Variants in STT3B observed in about 807,000 individuals in gnomAD.
STT3B encodes the protein STT3 oligosaccharyltransferase complex catalytic subunit B.
Under a neutral mutation model 96.8 loss-of-function variants are expected in STT3B, and 29 were observed. The ratio of observed to expected loss-of-function variants is 0.30; its 90% CI spans 0.22 to 0.41. The LOEUF is 0.41. Among genes scored for constraint, STT3B ranks in the 10% least tolerant of loss-of-function variants. STT3B has a pLI of 1.00. For missense variants in STT3B, 640 were observed against 1,022.3 expected (o/e 0.63, Z 5.10); for synonymous variants, 367 against 360.0 (o/e 1.02, Z -0.22).
intron 5 of STT3B, among the ~76,000 whole-genome samples, chr3:31,612,075 C>A (rs1235637641): frequency 6.6e-6 from 1 of 152,116 alleles, no homozygotes; most frequent in Non-Finnish European, 1.5e-5. Context: ...ACTTTCTGAG[C>A]ACCAATATGA....
chr3:31,582,582 C>T (rs954152543), intron 3 of STT3B, among the ~76,000 whole-genome samples: 2 of 151,940 alleles, frequency 1.3e-5, no homozygotes, highest in Non-Finnish European at 2.9e-5. Context: ...CATGAGCCAC[C>T]GCGCCCAGCC....
intron 1 of STT3B, among the ~76,000 whole-genome samples, chr3:31,559,310 G>GT (rs1697805038): frequency 1.4e-5 from 2 of 143,908 alleles, no homozygotes; most frequent in African/African-American, 5.2e-5. Context: ...TGGAGTCTTT[G>GT]TATTTTTTTT....
At chr3:31,549,931 A>T (rs937332461) in intron 1 of STT3B, among the ~76,000 whole-genome samples, 5 of 152,158 alleles carry the variant, frequency 3.3e-5, no homozygotes, top group African/African-American at 1.2e-4. Flanking sequence ...GTCACCGGAT[A>T]GTTTTAATTG....
chr3:31,563,284 G>A (rs1463847883), intron 1 of STT3B, among the ~76,000 whole-genome samples: 1 of 152,176 alleles, frequency 6.6e-6, no homozygotes, highest in African/African-American at 2.4e-5. Flanking sequence ...ATCTAAACTA[G>A]TAGAGCAAAT....
At chr3:31,598,319 G>A (rs546489360) in intron 4 of STT3B, among the ~76,000 whole-genome samples, 3 of 152,154 alleles carry the variant, frequency 2.0e-5, no homozygotes, top group Non-Finnish European at 4.4e-5. Flanking sequence ...TCGTATTGGA[G>A]TTGACTAGAT....
intron 3 of STT3B, among the ~76,000 whole-genome samples, chr3:31,582,538 C>A (rs1202941162): frequency 6.6e-6 from 1 of 151,988 alleles, no homozygotes; most frequent in Non-Finnish European, 1.5e-5. Flanking sequence ...CGTGATCCAC[C>A]CACCTCGGCC....
chr3:31,548,148 C>G (rs1697461015), intron 1 of STT3B, among the ~76,000 whole-genome samples: 1 of 152,128 alleles, frequency 6.6e-6, no homozygotes, highest in Non-Finnish European at 1.5e-5. Flanking sequence ...GCCCCGAATT[C>G]TTCCATTTTA....
At chr3:31,592,734 C>T (rs1698693705) in intron 3 of STT3B, among the ~76,000 whole-genome samples, 1 of 152,126 alleles carries the variant, frequency 6.6e-6, no homozygotes. Context: ...AAGGCCTACA[C>T]CTTCTCCAGG....
chr3:31,581,447 A>T (rs1698381414), intron 3 of STT3B, among the ~76,000 whole-genome samples: 1 of 152,200 alleles, frequency 6.6e-6, no homozygotes, highest in Non-Finnish European at 1.5e-5. Context: ...TATTTTGTGG[A>T]CATTTATGCA....
chr3:31,533,358 C>T (rs754587784), intron 1 of STT3B, 46 bp downstream of exon 1: 2 of 1,422,388 alleles, frequency 1.4e-6, no homozygotes, highest in African/African-American at 1.5e-5. Flanking sequence ...CGCGGGGAAC[C>T]GGGACCCGCT....
At chr3:31,555,731 C>T (rs1056062182) in intron 1 of STT3B, among the ~76,000 whole-genome samples, 17 of 152,076 alleles carry the variant, frequency 1.1e-4, no homozygotes, top group Admixed American at 6.5e-5. Flanking sequence ...TTAAAGGTCT[C>T]AGAATCTTAA....
chr3:31,564,635 G>T (rs1478970280), intron 1 of STT3B, among the ~76,000 whole-genome samples: 4 of 152,106 alleles, frequency 2.6e-5, no homozygotes, highest in Admixed American at 2.6e-4. Context: ...TCTTAGGCTG[G>T]GGGTTTCTTT....
At chr3:31,587,780 T>C (rs529869135) in intron 3 of STT3B, among the ~76,000 whole-genome samples, 6 of 152,262 alleles carry the variant, frequency 3.9e-5, no homozygotes, top group African/African-American at 1.2e-4. Context: ...CAAATTACTA[T>C]AAGAATTGCA....
At chr3:31,622,442 C>A in intron 10 of STT3B, 134 bp downstream of exon 10, 1 of 719,980 alleles carries the variant, frequency 1.4e-6, no homozygotes, top group Non-Finnish European at 2.3e-6. Flanking sequence ...TAGTTGGTCT[C>A]CACTGTTTGC....
At chr3:31,571,592 G>A (rs1698138554) in intron 1 of STT3B, among the ~76,000 whole-genome samples, 1 of 152,066 alleles carries the variant, frequency 6.6e-6, no homozygotes, top group South Asian at 2.1e-4. Context: ...CCAACACATA[G>A]ATTGTCTGTT....
At chr3:31,546,444 A>G (rs572420704) in intron 1 of STT3B, among the ~76,000 whole-genome samples, 5 of 152,186 alleles carry the variant, frequency 3.3e-5, no homozygotes, top group African/African-American at 1.2e-4. Flanking sequence ...CTGCCTCAGC[A>G]TTGCAGCGGG....
intron 1 of STT3B, among the ~76,000 whole-genome samples, chr3:31,568,916 T>C (rs1405830032): frequency 6.6e-6 from 1 of 152,210 alleles, no homozygotes; most frequent in Non-Finnish European, 1.5e-5. Context: ...CTAGTGTTTG[T>C]TTATGTAAGG....
chr3:31,625,914 A>G (rs1699527445), intron 12 of STT3B, 40 bp from the exon 13 acceptor site: 2 of 1,505,214 alleles, frequency 1.3e-6, no homozygotes, highest in African/African-American at 1.4e-5. Flanking sequence ...TGAATGTGGG[A>G]ATAATCAAAA....
intron 1 of STT3B, among the ~76,000 whole-genome samples, chr3:31,542,019 A>G (rs1575404360): frequency 6.6e-6 from 1 of 152,352 alleles, no homozygotes; most frequent in South Asian, 2.1e-4. Context: ...CTCAAGGCTG[A>G]ACCCTTGAGG....
Sources: allele counts gnomAD v4.1 joint callset (sites outside exome capture counted in the v4.1 genomes callset), GRCh38; gene constraint gnomAD v4.1.1; transcripts MANE v1.5; gene names NCBI Gene and HGNC (gene_info 2026-07-23, HGNC 2026-07-21).